The following SPOPL variants were observed in gnomAD, a reference collection of about 807,000 sequenced individuals.
SPOPL encodes speckle-type POZ protein-like.
SPOPL carries 23 observed loss-of-function variants against 53.8 expected under a neutral mutation model. The ratio of observed to expected loss-of-function variants is 0.43; its 90% CI spans 0.31 to 0.61. The LOEUF is 0.61. SPOPL is among the 20% of genes least tolerant of loss of function. SPOPL has a pLI of 0.12. For missense variants in SPOPL, 442 were observed against 466.9 expected (o/e 0.95, Z 0.49); for synonymous variants, 164 against 149.7 (o/e 1.10, Z -0.70).
intron 1 of SPOPL, among the ~76,000 whole-genome samples, chr2:138,511,939 A>G (rs1277148425): frequency 1.3e-5 from 2 of 152,198 alleles, no homozygotes; most frequent in Non-Finnish European, 2.9e-5. Flanking sequence ...TGTAAAATGG[A>G]AATGGAAATG....
At chr2:138,563,803 A>G (rs904416829) in intron 8 of SPOPL, among the ~76,000 whole-genome samples, 5 of 152,236 alleles carry the variant, frequency 3.3e-5, no homozygotes, top group African/African-American at 9.6e-5. Flanking sequence ...GCATATGCCC[A>G]TACAGACACT....
At chr2:138,508,394 G>A (rs1684259761) in intron 1 of SPOPL, among the ~76,000 whole-genome samples, 2 of 151,988 alleles carry the variant, frequency 1.3e-5, no homozygotes, top group Admixed American at 6.6e-5. Context: ...GTGCAGTGAC[G>A]TGATCTCAGC....
intron 1 of SPOPL, among the ~76,000 whole-genome samples, chr2:138,521,469 G>A (rs1477201081): frequency 6.9e-6 from 1 of 144,960 alleles, no homozygotes; most frequent in Non-Finnish European, 1.5e-5. Context: ...TCTTTTCTTT[G>A]AAAATACATT....
chr2:138,537,144 G>T (rs1684954308), intron 1 of SPOPL, among the ~76,000 whole-genome samples: 1 of 152,150 alleles, frequency 6.6e-6, no homozygotes, highest in African/African-American at 2.4e-5. Context: ...AGTAGCTAGA[G>T]GTGTAGCAGC....
At chr2:138,557,941 T>C (rs1437679397) in intron 5 of SPOPL, among the ~76,000 whole-genome samples, 1 of 152,080 alleles carries the variant, frequency 6.6e-6, no homozygotes, top group Non-Finnish European at 1.5e-5. Context: ...GGTGGATCAC[T>C]TGAGGTCAGG....
intron 8 of SPOPL, among the ~76,000 whole-genome samples, chr2:138,562,495 G>A (rs1685570588): frequency 6.6e-6 from 1 of 152,058 alleles, no homozygotes; most frequent in Non-Finnish European, 1.5e-5. Context: ...TGTATACAAA[G>A]TAAGGCAGGC....
intron 1 of SPOPL, among the ~76,000 whole-genome samples, chr2:138,543,776 G>C (rs372847994): frequency 4.1e-4 from 63 of 152,276 alleles, no homozygotes; most frequent in Non-Finnish European, 7.4e-5. Context: ...TGTTGCTAGT[G>C]AGGAGCTGCG....
chr2:138,556,644 T>C (rs907485891), intron 5 of SPOPL, among the ~76,000 whole-genome samples: 2 of 152,184 alleles, frequency 1.3e-5, no homozygotes, highest in African/African-American at 4.8e-5. Context: ...AGTGAAACTT[T>C]TTTATAGTTA....
intron 1 of SPOPL, among the ~76,000 whole-genome samples, chr2:138,532,639 T>C (rs1385961060): frequency 6.7e-6 from 1 of 148,640 alleles, no homozygotes; most frequent in Non-Finnish European, 1.5e-5. Flanking sequence ...AGACGGGGTT[T>C]CACCGTGTTA....
At chr2:138,544,092 A>C (rs931388444) in intron 1 of SPOPL, among the ~76,000 whole-genome samples, 1 of 152,042 alleles carries the variant, frequency 6.6e-6, no homozygotes, top group African/African-American at 2.4e-5. Context: ...GTTCCTCTGG[A>C]AGTTTTGTCT....
At chr2:138,533,828 T>G (rs1290984224) in intron 1 of SPOPL, among the ~76,000 whole-genome samples, 1 of 152,186 alleles carries the variant, frequency 6.6e-6, no homozygotes, top group African/African-American at 2.4e-5. Flanking sequence ...TACCATTTGT[T>G]AATTGTAGAA....
In SPOPL at chr2:138,572,143, A is replaced by G. The variant is rs889811768; in HGVS notation, c.*3063A>G. The G allele has an allele frequency of 1.3e-5, 2 of 152,570 alleles. No individual in the cohort carries two copies. Among genetic ancestry groups the G allele is most frequent in the Non-Finnish European group, 2.9e-5 (2 of 68,022 alleles). The allele number at this position is 152,570 out of a possible 1,614,324, so 9.5% of individuals were successfully genotyped here. A position where few individuals can be genotyped will look rare whatever the true frequency, so the allele number is the denominator to read the frequency against. ...ATGTTGAAAGTTCAGGTTAGCAGAA[A>G]TATTTCATTTAAATATGCTTTACTT... On this transcript the variant is annotated 3_prime_UTR_variant, in exon 11 of 11. Transcript: ENST00000280098.
chr2:138,506,552 A>G (rs1684219015), intron 1 of SPOPL, among the ~76,000 whole-genome samples: 1 of 152,132 alleles, frequency 6.6e-6, no homozygotes, highest in Admixed American at 6.6e-5. Context: ...TTAGAGATGG[A>G]TGAGATTTGG....
chr2:138,549,665 C>T (rs957277920), intron 1 of SPOPL, among the ~76,000 whole-genome samples: 1 of 152,114 alleles, frequency 6.6e-6, no homozygotes, highest in African/African-American at 2.4e-5. Context: ...TGTATTTCTT[C>T]TTACAGAGTA....
At chr2:138,558,019 G>C (rs1211383738) in intron 5 of SPOPL, among the ~76,000 whole-genome samples, 1 of 152,038 alleles carries the variant, frequency 6.6e-6, no homozygotes, top group African/African-American at 2.4e-5. Context: ...AATTAGCTGG[G>C]TGTGGTGGTG....
intron 1 of SPOPL, among the ~76,000 whole-genome samples, chr2:138,538,714 G>A (rs899904246): frequency 1.3e-5 from 2 of 151,206 alleles, no homozygotes; most frequent in African/African-American, 4.9e-5. Flanking sequence ...AGCAATGTCA[G>A]CCAGCTTAGG....
intron 1 of SPOPL, among the ~76,000 whole-genome samples, chr2:138,527,216 T>TTC (rs576234756): frequency 1.7e-4 from 26 of 152,198 alleles, no homozygotes; most frequent in Non-Finnish European, 3.5e-4. Context: ...TCAGTAATCA[T>TTC]TCTTGGCAGT....
chr2:138,559,416 A>G (rs1685498204), intron 7 of SPOPL, 79 bp downstream of exon 7: 1 of 1,406,646 alleles, frequency 7.1e-7, no homozygotes, highest in Non-Finnish European at 9.6e-7. Context: ...GTAATAGTAC[A>G]ATGTTCTCAT....
rs1685349332 is a variant in SPOPL, at chr2:138,553,089, C to G, written c.480+408C>G. Among the ~76,000 whole-genome samples the G allele has an allele frequency of 3.3e-5, 5 of 151,962 alleles. No homozygotes were observed. In the South Asian group the frequency reaches 1.0e-3, roughly 32 times the overall value. On this transcript the variant is annotated intron_variant, in intron 5 of 10. Coordinates refer to ENST00000280098, the MANE Select transcript of SPOPL (RefSeq NM_001001664.3). ...ATTTATCAGTTTGAACCCGAAGTAC[C>G]TGGAAAACATTGAGAAGCTTTCTGA...
Sources: gnomAD v4.1 joint callset for allele counts (sites outside exome capture counted in the v4.1 genomes callset) on GRCh38, gnomAD v4.1.1 for gene constraint, MANE v1.5 for transcripts, NCBI Gene and HGNC (gene_info 2026-07-23, HGNC 2026-07-21) for gene names.